RP1: variants seen among roughly 807,000 people sequenced by gnomAD.
RP1 encodes the protein RP1 axonemal microtubule associated.
RP1 carries 16 observed loss-of-function variants against 14.8 expected under a neutral mutation model. The observed-to-expected ratio is 1.08, with a 90% CI of 0.73 to 1.65. The LOEUF is 1.65. RP1 is among the 40% of genes most tolerant of loss of function. The pLI is 0.00. For missense variants in RP1, 2,631 were observed against 2,535.0 expected, an observed-to-expected ratio of 1.04 and a Z score of -0.81; for synonymous variants, 876 against 883.6, an observed-to-expected ratio of 0.99 and a Z score of 0.15.
At chr8:54,785,379 C>G (rs1810293836) in intron 24 of RP1, among the ~76,000 whole-genome samples, 1 of 149,582 alleles carries the variant, frequency 6.7e-6, no homozygotes, top group South Asian at 2.1e-4. Flanking sequence ...ATAATATCCT[C>G]TTATATGAAT....
At chr8:54,673,086 A>G (rs1807213757) in intron 7 of RP1, among the ~76,000 whole-genome samples, 1 of 152,176 alleles carries the variant, frequency 6.6e-6, no homozygotes, top group African/African-American at 2.4e-5. Context: ...TTACGTAGAG[A>G]CAAAGAGATT....
chr8:54,815,777 C>G (rs1452690837), intron 24 of RP1, among the ~76,000 whole-genome samples: 1 of 152,114 alleles, frequency 6.6e-6, no homozygotes, highest in Non-Finnish European at 1.5e-5. Flanking sequence ...AAATAGATGT[C>G]TGACTTAGAG....
intron 24 of RP1, among the ~76,000 whole-genome samples, chr8:54,831,807 G>A (rs534301635): frequency 6.6e-6 from 1 of 150,900 alleles, no homozygotes; most frequent in East Asian, 1.9e-4. Context: ...TAAACCTGAA[G>A]AACTTCTCTT....
At chr8:54,806,142 C>T (rs913728422) in intron 24 of RP1, among the ~76,000 whole-genome samples, 19 of 152,264 alleles carry the variant, frequency 1.2e-4, no homozygotes, top group Admixed American at 4.6e-4. Flanking sequence ...CCTCAGCCTC[C>T]TGAGTAGCTG....
At chr8:54,601,301 A>C (rs1805278528) in intron 1 of RP1, among the ~76,000 whole-genome samples, 2 of 151,740 alleles carry the variant, frequency 1.3e-5, no homozygotes, top group South Asian at 2.1e-4. Context: ...ATTTTTTTTG[A>C]AAGAAGCGAT....
At chr8:54,786,970 A>G (rs1810333226) in intron 24 of RP1, among the ~76,000 whole-genome samples, 1 of 152,226 alleles carries the variant, frequency 6.6e-6, no homozygotes, top group Middle Eastern at 3.4e-3. Flanking sequence ...CCTTTTATAT[A>G]ACTGTTCATA....
At chr8:54,708,803 T>C (rs1341530044) in intron 15 of RP1, among the ~76,000 whole-genome samples, 2 of 152,126 alleles carry the variant, frequency 1.3e-5, no homozygotes, top group Non-Finnish European at 2.9e-5. Flanking sequence ...AATCTTTTTG[T>C]CCTACACTTA....
At chr8:54,790,633 G>T (rs1373001156) in intron 24 of RP1, among the ~76,000 whole-genome samples, 4 of 149,388 alleles carry the variant, frequency 2.7e-5, no homozygotes, top group Admixed American at 6.7e-5. Flanking sequence ...TATTATAGAA[G>T]TTCAACAAGG....
At chr8:54,677,120 G>A (rs1032587521) in intron 8 of RP1, among the ~76,000 whole-genome samples, 2 of 151,350 alleles carry the variant, frequency 1.3e-5, no homozygotes, top group African/African-American at 2.4e-5. Flanking sequence ...TGGTTTGCCT[G>A]TGGCTATTCT....
At chr8:54,824,770 G>A (rs1563387754) in intron 24 of RP1, among the ~76,000 whole-genome samples, 1 of 152,168 alleles carries the variant, frequency 6.6e-6, no homozygotes, top group Non-Finnish European at 1.5e-5. Flanking sequence ...TTGAAAATGA[G>A]TCAGTTGTAA....
intron 1 of RP1, among the ~76,000 whole-genome samples, chr8:54,576,987 T>C (rs1804677050): frequency 6.6e-6 from 1 of 152,216 alleles, no homozygotes; most frequent in Non-Finnish European, 1.5e-5. Flanking sequence ...CTCTATGTAT[T>C]ATTCTAAGAA....
At chr8:54,754,148 TG>T (rs1278567963) in intron 19 of RP1, among the ~76,000 whole-genome samples, 2 of 152,018 alleles carry the variant, frequency 1.3e-5, no homozygotes, top group East Asian at 1.9e-4. Flanking sequence ...TTCACTGGGT[TG>T]GGGGGAAGGG....
intron 12 of RP1, among the ~76,000 whole-genome samples, chr8:54,689,469 C>T (rs1356838358): frequency 6.6e-6 from 1 of 151,868 alleles, no homozygotes; most frequent in African/African-American, 2.4e-5. Flanking sequence ...TTTCTTGGGG[C>T]CTAAGTTGGC....
At chr8:54,690,418 C>T (rs1426181256) in intron 12 of RP1, among the ~76,000 whole-genome samples, 1 of 152,026 alleles carries the variant, frequency 6.6e-6, no homozygotes, top group Non-Finnish European at 1.5e-5. Flanking sequence ...CTTAACTATA[C>T]TTCTCTGAAA....
In RP1 at chr8:54,666,156, G is replaced by A. The variant is rs183387964; in HGVS notation, c.1323+2306G>A. ...GAAGATGAAGATTGGCTTTATTGCC[G>A]GAGCCAGCTGGGGAAGAAGGCATGT... On this transcript the variant is annotated intron_variant, in intron 7 of 22. Coordinates refer to the RP1 transcript ENST00000636932. Among the ~76,000 whole-genome samples, 17 of 152,138 alleles carry A rather than the reference G, an allele frequency of 1.1e-4. No homozygotes were observed. In the East Asian group the frequency reaches 1.2e-3, roughly 10 times the overall value.
intron 18 of RP1, among the ~76,000 whole-genome samples, chr8:54,736,978 A>G (rs1808947565): frequency 6.6e-6 from 1 of 152,178 alleles, no homozygotes; most frequent in Non-Finnish European, 1.5e-5. Flanking sequence ...CTCTGTGGGT[A>G]TTGATTCCCT....
In RP1 at chr8:54,620,981, T is replaced by C; in HGVS notation, c.15T>C (p.Pro5=). The C allele has an allele frequency of 6.2e-7, 1 of 1,614,190 alleles. No individual in the cohort carries two copies. Among genetic ancestry groups the C allele is most frequent in the Non-Finnish European group, 8.5e-7 (1 of 1,180,032 alleles). MSDT[P]STGFSIIHPT... is the part of the protein sequence containing the mutation. ...TCTCAGCCAAAATGAGTGATACCCCTTCTACTGGTTTTTCCATCATTCATC... is the reference window on the plus strand; with the variant it reads ...TCTCAGCCAAAATGAGTGATACCCCCTCTACTGGTTTTTCCATCATTCATC... The change falls in exon 2 of 4, where the codon CCT becomes CCC. Residue 5 remains proline, a synonymous_variant. Coordinates refer to ENST00000220676, the MANE Select transcript of RP1 (RefSeq NM_006269.2).
intron 1 of RP1, among the ~76,000 whole-genome samples, chr8:54,603,407 T>C (rs531882875): frequency 0.018 from 2,755 of 152,346 alleles, 45 homozygotes; most frequent in South Asian, 0.062. Context: ...ATCTCTGTTT[T>C]GGTACCAGTA....
chr8:54,679,479 A>T (rs1807374667), exon 10 of RP1: 1 of 1,535,880 alleles, frequency 6.5e-7, no homozygotes, highest in South Asian at 1.2e-5. Context: ...GCCAGGGATA[A>T]CAGTATCTTC....
Sources: allele counts gnomAD v4.1 joint callset (sites outside exome capture counted in the v4.1 genomes callset), GRCh38; gene constraint gnomAD v4.1.1; transcripts MANE v1.5; gene names NCBI Gene and HGNC (gene_info 2026-07-23, HGNC 2026-07-21).